NUP160: variants seen among roughly 807,000 people sequenced by gnomAD.
NUP160 encodes nucleoporin 160.
NUP160 carries 94 observed loss-of-function variants against 196.9 expected under a neutral mutation model. The observed-to-expected ratio is 0.48, with a 90% CI of 0.40 to 0.57. NUP160 has a LOEUF of 0.57. Ranked by LOEUF, NUP160 falls within the 20% of genes least tolerant of loss-of-function variation. NUP160 has a pLI of 0.00. For synonymous variants in NUP160, 605 were observed against 619.7 expected, an observed-to-expected ratio of 0.98 and a Z score of 0.35; for missense variants, 1,638 against 1,748.3, an observed-to-expected ratio of 0.94 and a Z score of 1.13.
Position 47,838,635 on chromosome 11 carries a change from G to T in NUP160, c.749-1012C>A, listed in dbSNP as rs373348012. Among the ~76,000 whole-genome samples, 9 of 152,040 alleles carry T rather than the reference G, an allele frequency of 5.9e-5. No homozygotes were observed. The South Asian group carries it at 6.2e-4, about 11-fold the overall frequency. ...AGACATGAGAATCACTTGAACCTGG[G>T]GGGGGCGGAGGTTGCAGTGAGCCAA... On this transcript the variant is annotated intron_variant, in intron 4 of 35. Transcript: ENST00000378460.
chr11:47,800,750 A>C (rs1294675735), intron 23 of NUP160, among the ~76,000 whole-genome samples: 2 of 152,228 alleles, frequency 1.3e-5, no homozygotes, highest in Non-Finnish European at 2.9e-5. Flanking sequence ...ATAAGCAATT[A>C]ACAAAACAGT....
In NUP160 at chr11:47,821,937, CATG is replaced by C. The variant is rs1490437240; in HGVS notation, c.1180-119_1180-117del. The C allele has an allele frequency of 6.0e-6, 6 of 1,000,684 alleles. No individual in the cohort carries two copies. In the East Asian group the frequency reaches 1.5e-4, roughly 25 times the overall value. 62.0% of individuals were successfully genotyped at this position (1,000,684 alleles called of 1,614,324 possible). On this transcript the variant is annotated intron_variant, in intron 8 of 35. Coordinates refer to ENST00000378460, the Ensembl canonical transcript of NUP160. ...TGTATGAAAACAAAACATGGTACCA[CATG>C]AATTTGGTAAAGTCTAAATGAAATT...
At chr11:47,780,535 A>T in intron 34 of NUP160, 88 bp from the exon 35 acceptor site, 1 of 734,518 alleles carries the variant, frequency 1.4e-6, no homozygotes. Context: ...GTAGAATAAA[A>T]TACCCTTTTT....
intron 7 of NUP160, among the ~76,000 whole-genome samples, chr11:47,829,130 TG>T (rs1169023135): frequency 2.0e-5 from 3 of 152,130 alleles, no homozygotes; most frequent in African/African-American, 7.2e-5. Context: ...ATGTGCTTCA[TG>T]GGACACCATC....
chr11:47,784,862 G>T, intron 33 of NUP160, 60 bp downstream of exon 33: 2 of 1,285,608 alleles, frequency 1.6e-6, no homozygotes, highest in South Asian at 1.7e-5. Flanking sequence ...ATCATCTCAT[G>T]AAGTTATCCA....
chr11:47,836,552 G>C (rs187520134), intron 6 of NUP160, among the ~76,000 whole-genome samples: 230 of 152,210 alleles, frequency 1.5e-3, no homozygotes, highest in Admixed American at 2.6e-3. Flanking sequence ...GGCAGAGGCT[G>C]CAGTGAGCTA....
chr11:47,816,127 A>G (rs2097684293), intron 11 of NUP160, 98 bp from the exon 12 acceptor site: 1 of 781,900 alleles, frequency 1.3e-6, no homozygotes, highest in East Asian at 2.7e-5. Flanking sequence ...AAACTATATA[A>G]TAGAGATTTG....
chr11:47,805,572 T>G (rs2097677049), intron 20 of NUP160, among the ~76,000 whole-genome samples: 1 of 150,968 alleles, frequency 6.6e-6, no homozygotes, highest in Non-Finnish European at 1.5e-5. Flanking sequence ...AGCTTCCAAG[T>G]AGCTGGGACT....
At chr11:47,795,422 C>T (rs1053943138) in intron 27 of NUP160, among the ~76,000 whole-genome samples, 1 of 152,068 alleles carries the variant, frequency 6.6e-6, no homozygotes, top group Admixed American at 6.6e-5. Flanking sequence ...TATTTCCCTT[C>T]CTATATGATT....
chr11:47,788,444 C>T (rs918819013), intron 30 of NUP160, 57 bp downstream of exon 30: 305 of 1,548,738 alleles, frequency 2.0e-4, no homozygotes, highest in Non-Finnish European at 2.9e-5. Flanking sequence ...ACTGCCTGGA[C>T]CTAAAATGTG....
chr11:47,840,174 AG>A (rs1466953494), intron 3 of NUP160, 109 bp from the exon 4 acceptor site: 2 of 895,798 alleles, frequency 2.2e-6, no homozygotes, highest in Non-Finnish European at 3.5e-6. Context: ...GTCAAGTTTA[AG>A]AAAGCTATTC....
intron 35 of NUP160, among the ~76,000 whole-genome samples, chr11:47,779,814 G>A (rs1435596251): frequency 1.3e-5 from 2 of 152,074 alleles, no homozygotes; most frequent in South Asian, 2.1e-4. Context: ...TGGAACCTCC[G>A]CCTCCTGGGT....
At chr11:47,847,019 T>C (rs1171856221) in intron 2 of NUP160, among the ~76,000 whole-genome samples, 1 of 152,178 alleles carries the variant, frequency 6.6e-6, no homozygotes, top group East Asian at 1.9e-4. Context: ...GTACTTAGGA[T>C]AAAATCCAAA....
chr11:47,790,348 C>T (rs575923405), intron 29 of NUP160, among the ~76,000 whole-genome samples: 169 of 152,178 alleles, frequency 1.1e-3, no homozygotes, highest in Middle Eastern at 6.8e-3. Flanking sequence ...CAACCTCAGC[C>T]TCCCGAGTTC....
chr11:47,824,052 T>G (rs7120235), intron 7 of NUP160, among the ~76,000 whole-genome samples: 1 of 93,798 alleles, frequency 1.1e-5, no homozygotes, highest in African/African-American at 4.8e-5. Flanking sequence ...TATATATATA[T>G]ACACACACAC....
intron 7 of NUP160, among the ~76,000 whole-genome samples, chr11:47,822,828 T>C (rs1302924180): frequency 6.6e-6 from 1 of 152,206 alleles, no homozygotes; most frequent in Non-Finnish European, 1.5e-5. Flanking sequence ...TGTTTGGTTT[T>C]CTGTCCTTGT....
At position 47,815,548 on chromosome 11, in the gene NUP160, T is replaced by C. The variant is rs1410696430; in HGVS notation, c.1617A>G (p.Gln539=). Reference sequence around the variant, plus strand: ...GGGCAAGAGGGTGAGAGAGGGCTTCTTGATACTGAAGACAACAGGCATAGA... The same window carrying C: ...GGGCAAGAGGGTGAGAGAGGGCTTCCTGATACTGAAGACAACAGGCATAGA... Residue 539 remains glutamine, a synonymous_variant, in exon 13 of 36, where the codon CAA becomes CAG. Transcript: ENST00000378460. The C allele has an allele frequency of 2.5e-6, 4 of 1,613,056 alleles. No homozygotes were observed. Among genetic ancestry groups the C allele is most frequent in the Non-Finnish European group, 1.7e-6 (2 of 1,179,750 alleles).
At chr11:47,837,964 T>C (rs1327884787) in intron 4 of NUP160, among the ~76,000 whole-genome samples, 3 of 152,186 alleles carry the variant, frequency 2.0e-5, no homozygotes, top group Non-Finnish European at 4.4e-5. Context: ...GACATAGCAG[T>C]AAACAAAACA....
chr11:47,848,467 C>A (rs1272098137), exon 1 of NUP160: 63 of 1,418,306 alleles, frequency 4.4e-5, no homozygotes, highest in Non-Finnish European at 5.7e-5. Context: ...GAGGCTTCCA[C>A]CGGGAGAATG....
Sources: gnomAD v4.1 joint callset for allele counts (sites outside exome capture counted in the v4.1 genomes callset) on GRCh38, gnomAD v4.1.1 for gene constraint, MANE v1.5 for transcripts, NCBI Gene and HGNC (gene_info 2026-07-23, HGNC 2026-07-21) for gene names.